PRKN: variants seen among roughly 807,000 people sequenced by gnomAD.
PRKN encodes the protein E3 ubiquitin-protein ligase parkin.
PRKN carries 56 observed loss-of-function variants against 59.5 expected under a neutral mutation model. The observed-to-expected ratio is 0.94, with a 90% CI of 0.76 to 1.18. The LOEUF (loss-of-function observed/expected upper bound fraction) is 1.18, where lower values mean the gene tolerates loss of function less well. Among genes scored for constraint, PRKN ranks in the 50% most tolerant of loss-of-function variants. PRKN has a pLI of 0.00. For missense variants in PRKN, 657 were observed against 596.4 expected (o/e 1.10, Z -1.06); for synonymous variants, 250 against 222.1 (o/e 1.13, Z -1.12).
At chr6:162,377,231 C>A (rs748276896) in intron 2 of PRKN, among the ~76,000 whole-genome samples, 3 of 152,188 alleles carry the variant, frequency 2.0e-5, no homozygotes, top group Non-Finnish European at 2.9e-5. Context: ...AAATCCAAAT[C>A]TGCAGACTGG....
chr6:162,714,110 C>T (rs1254412526), intron 1 of PRKN, among the ~76,000 whole-genome samples: 1 of 152,206 alleles, frequency 6.6e-6, no homozygotes, highest in East Asian at 1.9e-4. Flanking sequence ...CACCACTCTG[C>T]ATCCTCATGG....
intron 9 of PRKN, among the ~76,000 whole-genome samples, chr6:161,521,297 A>G (rs993153794): frequency 2.0e-5 from 3 of 152,246 alleles, no homozygotes; most frequent in African/African-American, 7.2e-5. Flanking sequence ...ATGGAATTAC[A>G]TATTTTTCAT....
intron 7 of PRKN, among the ~76,000 whole-genome samples, chr6:161,632,878 C>G (rs1364687141): frequency 6.6e-6 from 1 of 152,130 alleles, no homozygotes; most frequent in Non-Finnish European, 1.5e-5. Flanking sequence ...GTAAACACTC[C>G]CATGATTCAA....
chr6:162,714,323 C>T (rs752125050), intron 1 of PRKN, among the ~76,000 whole-genome samples: 13 of 152,264 alleles, frequency 8.5e-5, no homozygotes, highest in African/African-American at 1.4e-4. Context: ...CTTTGCTTTG[C>T]GTCACGGGGC....
At chr6:162,231,359 T>G (rs1170876619) in intron 3 of PRKN, among the ~76,000 whole-genome samples, 2 of 152,240 alleles carry the variant, frequency 1.3e-5, no homozygotes, top group Non-Finnish European at 2.9e-5. Flanking sequence ...ACAAATTGAT[T>G]TCAGAGAATG....
In PRKN at chr6:161,560,003, G is replaced by A. The variant is rs889464892; in HGVS notation, c.933+9352C>T. 6.7e-6 allele frequency among the ~76,000 whole-genome samples: 1 copy of A among 148,690 alleles called. No homozygotes were observed. The highest frequency in any genetic ancestry group is 1.5e-5 in the Non-Finnish European group (1 of 66,086). On this transcript the variant is annotated intron_variant, in intron 8 of 11. Coordinates refer to ENST00000366898, the MANE Select transcript of PRKN (RefSeq NM_004562.3). The surrounding 1 kb of genome is among the most constrained non-coding windows in gnomAD (Gnocchi z 4.9). Reference sequence around the variant, plus strand: ...CCAGGTGCTCTGGATGTCCACCTACGTCCCTCCAAAGATCATCACAATGCA... The same window carrying A: ...CCAGGTGCTCTGGATGTCCACCTACATCCCTCCAAAGATCATCACAATGCA...
intron 3 of PRKN, among the ~76,000 whole-genome samples, chr6:162,220,818 T>G (rs1483059137): frequency 6.6e-6 from 1 of 152,010 alleles, no homozygotes; most frequent in African/African-American, 2.4e-5. Context: ...TTTGGAGTCA[T>G]GGATTTCAGC....
At chr6:161,944,135 A>ATCAGCCTGAGGAC in intron 6 of PRKN, among the ~76,000 whole-genome samples, 1 of 142,302 alleles carries the variant, frequency 7.0e-6, no homozygotes, top group African/African-American at 2.9e-5. Flanking sequence ...AGCCTGAGGG[A>ATCAGCCTGAGGAC]TCAGCCTGAG....
At chr6:162,311,890 A>C (rs1439317456) in intron 2 of PRKN, among the ~76,000 whole-genome samples, 2 of 152,024 alleles carry the variant, frequency 1.3e-5, no homozygotes, top group Non-Finnish European at 2.9e-5. Context: ...TTCTGTCTTG[A>C]ATAAATCTCC....
chr6:162,082,869 T>A (rs930670157), intron 4 of PRKN, among the ~76,000 whole-genome samples: 5 of 152,082 alleles, frequency 3.3e-5, no homozygotes, highest in African/African-American at 1.2e-4. Context: ...TCATTTACCA[T>A]CTCATATGGG....
At chr6:162,423,745 A>G (rs1398782478) in intron 2 of PRKN, among the ~76,000 whole-genome samples, 1 of 152,184 alleles carries the variant, frequency 6.6e-6, no homozygotes, top group African/African-American at 2.4e-5. Flanking sequence ...CCACTGCTAC[A>G]TGGTACCTTA....
Position 161,444,512 on chromosome 6 carries a change from T to C in PRKN, c.1084-57635A>G, listed in dbSNP as rs1021099697. 2.0e-5 allele frequency among the ~76,000 whole-genome samples: 3 copies of C among 152,218 alleles called. No individual in the cohort carries two copies. Among genetic ancestry groups the C allele is most frequent in the Non-Finnish European group, 4.4e-5 (3 of 68,044 alleles). The stretch of plus-strand genomic sequence containing the variant: ...AAACTAGCGCTTGGGGTGCTTGCCA[T>C]GCTCCAAGAAGTCCCTGCAGCCCCT... On this transcript the variant is annotated intron_variant, in intron 9 of 11. Transcript: ENST00000366898. The surrounding 1 kb of genome is among the most constrained non-coding windows in gnomAD (Gnocchi z 5.6).
intron 7 of PRKN, among the ~76,000 whole-genome samples, chr6:161,657,753 C>T (rs1397694570): frequency 5.3e-5 from 8 of 152,022 alleles, no homozygotes; most frequent in Admixed American, 3.3e-4. Flanking sequence ...AGGCTGGGCA[C>T]GGTGGCTCAC....
intron 1 of PRKN, among the ~76,000 whole-genome samples, chr6:162,561,086 T>C (rs2803067): frequency 0.25 from 38,523 of 151,908 alleles, 6,077 homozygotes; most frequent in Non-Finnish European, 0.36. Flanking sequence ...CGGGGAGAAA[T>C]CCATGGAGCG....
intron 2 of PRKN, among the ~76,000 whole-genome samples, chr6:162,339,012 C>CTGG (rs1783995024): frequency 6.6e-6 from 1 of 150,480 alleles, no homozygotes; most frequent in Admixed American, 6.6e-5. Context: ...GACCCTCTGC[C>CTGG]CGGCAACCAC....
intron 1 of PRKN, among the ~76,000 whole-genome samples, chr6:162,606,948 A>G (rs1781944802): frequency 6.6e-6 from 1 of 152,018 alleles, no homozygotes; most frequent in Non-Finnish European, 1.5e-5. Flanking sequence ...CCTGGCCTCA[A>G]GTGATTCACC....
chr6:161,803,469 C>T (rs1791175440), intron 6 of PRKN, among the ~76,000 whole-genome samples: 1 of 152,174 alleles, frequency 6.6e-6, no homozygotes, highest in Non-Finnish European at 1.5e-5. Context: ...GAATTCCTGC[C>T]TTTCACCACG....
chr6:161,594,672 A>G (rs956584510), intron 7 of PRKN, among the ~76,000 whole-genome samples: 1 of 152,256 alleles, frequency 6.6e-6, no homozygotes, highest in African/African-American at 2.4e-5. Flanking sequence ...TAACACTTAC[A>G]CAGTTAAAAT....
At chr6:161,642,255 G>A (rs1783771489) in intron 7 of PRKN, among the ~76,000 whole-genome samples, 1 of 152,080 alleles carries the variant, frequency 6.6e-6, no homozygotes, top group Non-Finnish European at 1.5e-5. Flanking sequence ...AATCAATATG[G>A]AATATAAAGT....
Sources: allele counts gnomAD v4.1 joint callset (sites outside exome capture counted in the v4.1 genomes callset), GRCh38; gene constraint gnomAD v4.1.1; non-coding constraint Gnocchi (gnomAD v3.1); transcripts MANE v1.5; gene names NCBI Gene and HGNC (gene_info 2026-07-23, HGNC 2026-07-21).